The following WDR7 variants were observed in gnomAD, a reference collection of about 807,000 sequenced individuals.
WDR7 encodes WD repeat-containing protein 7.
WDR7 carries 46 observed loss-of-function variants against 169.4 expected under a neutral mutation model. That is an observed-to-expected ratio of 0.27 (90% CI 0.21 to 0.35). WDR7 has a LOEUF of 0.35. Ranked by LOEUF, WDR7 falls within the 10% of genes least tolerant of loss-of-function variation. The pLI is 1.00. For missense variants in WDR7, 1,534 were observed against 1,859.3 expected (o/e 0.83, Z 3.22); for synonymous variants, 612 against 666.8 (o/e 0.92, Z 1.27).
chr18:56,944,922 T>C (rs1234886389), intron 25 of WDR7, among the ~76,000 whole-genome samples: 1 of 152,240 alleles, frequency 6.6e-6, no homozygotes, highest in Non-Finnish European at 1.5e-5. Flanking sequence ...GTGATATTTA[T>C]AGTGATATTT....
At chr18:56,843,837 C>T (rs563767031) in intron 20 of WDR7, among the ~76,000 whole-genome samples, 95 of 150,200 alleles carry the variant, frequency 6.3e-4, no homozygotes, top group African/African-American at 2.2e-3. Context: ...CATCAACACT[C>T]GATATTTTCT....
intron 26 of WDR7, among the ~76,000 whole-genome samples, chr18:56,988,405 C>A (rs2047756462): frequency 6.6e-6 from 1 of 152,142 alleles, no homozygotes; most frequent in African/African-American, 2.4e-5. Flanking sequence ...CTCAGCCAAT[C>A]CAAATTGGTG....
intron 21 of WDR7, among the ~76,000 whole-genome samples, chr18:56,907,248 T>C (rs188580133): frequency 1.4e-3 from 210 of 152,332 alleles, no homozygotes; most frequent in African/African-American, 4.8e-3. Flanking sequence ...ATCAATTCTT[T>C]CATTCCACAA....
intron 26 of WDR7, among the ~76,000 whole-genome samples, chr18:56,996,409 C>T (rs778744996): frequency 1.8e-4 from 27 of 152,120 alleles, no homozygotes; most frequent in Non-Finnish European, 2.8e-4. Flanking sequence ...ATAGTTCATA[C>T]ATCATAGAAA....
At chr18:56,738,073 G>T (rs1306431116) in intron 14 of WDR7, among the ~76,000 whole-genome samples, 2 of 152,084 alleles carry the variant, frequency 1.3e-5, no homozygotes, top group Non-Finnish European at 2.9e-5. Context: ...AGGAGCCTTA[G>T]CTAAGCTGTC....
At chr18:56,968,678 A>G (rs2047444384) in intron 26 of WDR7, among the ~76,000 whole-genome samples, 1 of 152,168 alleles carries the variant, frequency 6.6e-6, no homozygotes, top group South Asian at 2.1e-4. Flanking sequence ...GAACGTTAAC[A>G]TGTGCCTTGT....
chr18:56,868,009 A>G (rs1321031765), intron 20 of WDR7, among the ~76,000 whole-genome samples: 2 of 152,164 alleles, frequency 1.3e-5, no homozygotes, highest in Admixed American at 6.6e-5. Flanking sequence ...AAAAAGGTCT[A>G]TGAAAAAAAT....
At chr18:56,908,567 G>C (rs2046511042) in intron 21 of WDR7, among the ~76,000 whole-genome samples, 1 of 152,152 alleles carries the variant, frequency 6.6e-6, no homozygotes, top group South Asian at 2.1e-4. Flanking sequence ...ATAATGGTCA[G>C]ACAGAGGCTG....
At chr18:56,813,955 T>C (rs1314456255) in intron 19 of WDR7, among the ~76,000 whole-genome samples, 1 of 152,212 alleles carries the variant, frequency 6.6e-6, no homozygotes, top group Non-Finnish European at 1.5e-5. Flanking sequence ...CTTGGTAGTA[T>C]TTATAATCAG....
chr18:56,842,753 G>A (rs930114764), intron 20 of WDR7, among the ~76,000 whole-genome samples: 2 of 152,116 alleles, frequency 1.3e-5, no homozygotes, highest in Admixed American at 6.5e-5. Context: ...CTAAATTACC[G>A]TGGAAGTATT....
intron 26 of WDR7, among the ~76,000 whole-genome samples, chr18:57,011,836 A>G (rs760860987): frequency 2.6e-5 from 4 of 152,216 alleles, no homozygotes; most frequent in South Asian, 2.1e-4. Context: ...TGCATTTACC[A>G]TGTACTTCCA....
intron 20 of WDR7, among the ~76,000 whole-genome samples, chr18:56,834,743 C>T (rs2145299124): frequency 6.6e-6 from 1 of 152,200 alleles, no homozygotes; most frequent in South Asian, 2.1e-4. Context: ...ACATTTTTGT[C>T]TGCTAAAAGT....
intron 3 of WDR7, among the ~76,000 whole-genome samples, chr18:56,680,133 G>A (rs2025324586): frequency 6.6e-6 from 1 of 152,142 alleles, no homozygotes; most frequent in African/African-American, 2.4e-5. Flanking sequence ...GGGATGGGCG[G>A]ATCACGTGAG....
chr18:56,926,094 C>T (rs972288609), intron 22 of WDR7, among the ~76,000 whole-genome samples: 1 of 152,206 alleles, frequency 6.6e-6, no homozygotes, highest in African/African-American at 2.4e-5. Flanking sequence ...AGCTGCCTGA[C>T]TCTAGAATGA....
At chr18:56,919,462 T>G (rs1599157965) in intron 21 of WDR7, among the ~76,000 whole-genome samples, 1 of 147,738 alleles carries the variant, frequency 6.8e-6, no homozygotes, top group Non-Finnish European at 1.5e-5. Flanking sequence ...AAACTCATTG[T>G]TTGAGAAAAG....
In WDR7 at chr18:56,725,900, G is replaced by A. The variant is rs1323427058; in HGVS notation, c.1775-5483G>A. 5.9e-5 allele frequency among the ~76,000 whole-genome samples: 9 copies of A among 152,190 alleles called. No individual in the cohort carries two copies. In the South Asian group the frequency reaches 6.2e-4, roughly 11 times the overall value. On this transcript the variant is annotated intron_variant, in intron 13 of 27. Transcript: ENST00000254442. ...CTAGCCAGTTTTCCCAGCACCATTTGTTAAATAGGGAATCCTTTCCCCATT... is the reference window on the plus strand; with the variant it reads ...CTAGCCAGTTTTCCCAGCACCATTTATTAAATAGGGAATCCTTTCCCCATT...
intron 19 of WDR7, among the ~76,000 whole-genome samples, chr18:56,801,234 C>A (rs930867714): frequency 7.2e-5 from 11 of 152,232 alleles, no homozygotes; most frequent in African/African-American, 2.4e-4. Context: ...CTAACTCATA[C>A]CATGTGAAAA....
intron 26 of WDR7, among the ~76,000 whole-genome samples, chr18:56,982,591 TAGAG>T (rs555048939): frequency 1.8e-4 from 27 of 152,282 alleles, no homozygotes; most frequent in Non-Finnish European, 3.4e-4. Context: ...ATGAAGCAGA[TAGAG>T]AGCTGTTTAC....
intron 19 of WDR7, among the ~76,000 whole-genome samples, chr18:56,813,303 G>T (rs1326978978): frequency 2.0e-5 from 3 of 151,984 alleles, no homozygotes; most frequent in African/African-American, 7.3e-5. Flanking sequence ...AACTTCCAAT[G>T]ATATGTTAAG....
Sources: gnomAD v4.1 joint callset for allele counts (sites outside exome capture counted in the v4.1 genomes callset) on GRCh38, gnomAD v4.1.1 for gene constraint, MANE v1.5 for transcripts, NCBI Gene and HGNC (gene_info 2026-07-23, HGNC 2026-07-21) for gene names.